Variants in SIPA1L1 observed in about 807,000 individuals in gnomAD.
SIPA1L1 encodes the protein signal induced proliferation associated 1 like 1, also known as signal-induced proliferation-associated 1-like protein 1.
A neutral mutation model predicts 162.7 loss-of-function variants in SIPA1L1; 26 were observed. The ratio of observed to expected loss-of-function variants is 0.16; its 90% CI spans 0.12 to 0.22. The LOEUF is 0.22. SIPA1L1 is among the 10% of genes least tolerant of loss of function. The pLI, the probability that SIPA1L1 is intolerant of heterozygous loss-of-function variation, is 1.00. For synonymous variants in SIPA1L1, 829 were observed against 837.4 expected, an observed-to-expected ratio of 0.99 and a Z score of 0.17; for missense variants, 1,874 against 2,241.0, an observed-to-expected ratio of 0.84 and a Z score of 3.31.
At position 71,593,188 on chromosome 14, in the gene SIPA1L1, GTTATTTAT is replaced by G. The variant is rs60160795; in HGVS notation, c.1498+3852_1498+3859del. Reference sequence around the variant, plus strand: ...TCCTTTGAGTATGTATGTGTTTTGTGTTATTTATTTATTTATTTATTTATTTATTTATT... The same window carrying G: ...TCCTTTGAGTATGTATGTGTTTTGTGTTATTTATTTATTTATTTATTTATT... On this transcript the variant is annotated intron_variant, in intron 5 of 23. Coordinates refer to ENST00000381232, the MANE Select transcript of SIPA1L1 (RefSeq NM_001386936.1). Among the ~76,000 whole-genome samples the G allele has an allele frequency of 2.9e-3, 425 of 146,980 alleles. 3 individuals carry two copies. Among genetic ancestry groups the G allele is most frequent in the African/African-American group, 5.3e-3 (206 of 39,132 alleles).
At chr14:71,621,427 G>T (rs936893757) in intron 6 of SIPA1L1, among the ~76,000 whole-genome samples, 1 of 151,914 alleles carries the variant, frequency 6.6e-6, no homozygotes, top group East Asian at 1.9e-4. Context: ...CTTCCTACCT[G>T]GGCCACCTCA....
chr14:71,693,205 CA>C (rs1566666092), intron 13 of SIPA1L1, among the ~76,000 whole-genome samples: 1 of 152,076 alleles, frequency 6.6e-6, no homozygotes, highest in Non-Finnish European at 1.5e-5. Flanking sequence ...TATTGGCGCT[CA>C]AAAAGTTTTG....
At chr14:71,331,904 G>A (rs1400892040) in intron 2 of SIPA1L1, among the ~76,000 whole-genome samples, 1 of 152,208 alleles carries the variant, frequency 6.6e-6, no homozygotes, top group Admixed American at 6.5e-5. Context: ...TGTACAGGAT[G>A]AATTGAAGGC....
rs761616924 is a variant in SIPA1L1, at chr14:71,477,549, C to T, written c.-464-35194C>T. ...ACAGATGGCGTCTCGCCGTGTTGCC[C>T]GGGCTGGTCTCAAATTCCTGGGCTC... On this transcript the variant is annotated intron_variant, in intron 2 of 23. Transcript: ENST00000381232. Among the ~76,000 whole-genome samples the T allele has an allele frequency of 2.4e-4, 37 of 152,224 alleles. 1 individual carries two copies. Among genetic ancestry groups the T allele is most frequent in the African/African-American group, 8.4e-4 (35 of 41,544 alleles).
chr14:71,723,347 C>T (rs564863753), intron 17 of SIPA1L1, among the ~76,000 whole-genome samples: 5 of 152,264 alleles, frequency 3.3e-5, no homozygotes, highest in South Asian at 2.1e-4. Context: ...GCCAGACTTC[C>T]GTGACAAACG....
intron 17 of SIPA1L1, 55 bp from the exon 18 acceptor site, chr14:71,723,592 T>C (rs2083946282): frequency 6.2e-7 from 1 of 1,605,048 alleles, no homozygotes; most frequent in Admixed American, 1.7e-5. Context: ...ACAGCACTTT[T>C]ATAGCTGACA....
At chr14:71,455,035 G>C (rs776476710) in intron 2 of SIPA1L1, among the ~76,000 whole-genome samples, 5 of 152,202 alleles carry the variant, frequency 3.3e-5, no homozygotes, top group Non-Finnish European at 5.9e-5. Flanking sequence ...GAACCTGCTA[G>C]ATCCTTCATG....
At chr14:71,453,499 A>G (rs1306075004) in intron 2 of SIPA1L1, among the ~76,000 whole-genome samples, 2 of 152,176 alleles carry the variant, frequency 1.3e-5, no homozygotes, top group Non-Finnish European at 2.9e-5. Context: ...TTTGAAAAGA[A>G]TCTCACTCTA....
At chr14:71,392,966 T>A (rs2040884174) in intron 2 of SIPA1L1, among the ~76,000 whole-genome samples, 1 of 152,278 alleles carries the variant, frequency 6.6e-6, no homozygotes, top group Admixed American at 6.5e-5. Context: ...TGAATGAGTA[T>A]AATTCTCACT....
chr14:71,416,639 T>A (rs891062821), intron 2 of SIPA1L1, among the ~76,000 whole-genome samples: 1 of 151,980 alleles, frequency 6.6e-6, no homozygotes, highest in East Asian at 1.9e-4. Context: ...GCCTTCTAAG[T>A]GTATACTTCC....
In SIPA1L1 at chr14:71,636,091, G is replaced by A. The variant is rs77751555; in HGVS notation, c.1818+11855G>A. On this transcript the variant is annotated intron_variant, in intron 7 of 23. Transcript: ENST00000381232. ...ACTGATGAAACTAAAAGGAGAAATA[G>A]GTAAATACACAATTATAGTTGGTGA... Among the ~76,000 whole-genome samples the A allele has an allele frequency of 1.8e-3, 273 of 152,174 alleles. 1 individual carries two copies. Among genetic ancestry groups the A allele is most frequent in the South Asian group, 5.4e-3 (26 of 4,824 alleles).
At chr14:71,359,142 G>T (rs1365202899) in intron 2 of SIPA1L1, among the ~76,000 whole-genome samples, 1 of 152,196 alleles carries the variant, frequency 6.6e-6, no homozygotes, top group Non-Finnish European at 1.5e-5. Flanking sequence ...CCAGTGGGAG[G>T]TAACTGAATC....
intron 7 of SIPA1L1, among the ~76,000 whole-genome samples, chr14:71,634,226 C>G (rs1251647710): frequency 6.6e-6 from 1 of 151,602 alleles, no homozygotes; most frequent in African/African-American, 2.4e-5. Flanking sequence ...CATGGCGAAA[C>G]CCTGTGTCTA....
intron 2 of SIPA1L1, among the ~76,000 whole-genome samples, chr14:71,417,777 G>T (rs185687380): frequency 3.1e-4 from 47 of 152,186 alleles, no homozygotes; most frequent in African/African-American, 1.1e-3. Context: ...GTGCTAGACA[G>T]TTTTATTTTC....
At chr14:71,704,516 A>AAGG (rs2082306934) in intron 15 of SIPA1L1, among the ~76,000 whole-genome samples, 1 of 152,182 alleles carries the variant, frequency 6.6e-6, no homozygotes, top group Non-Finnish European at 1.5e-5. Flanking sequence ...AGTCAGAGTC[A>AAGG]AGGAGTATTT....
chr14:71,715,238 A>G (rs1185640664), intron 17 of SIPA1L1, among the ~76,000 whole-genome samples: 1 of 152,258 alleles, frequency 6.6e-6, no homozygotes, highest in East Asian at 1.9e-4. Context: ...CAGTTCTACC[A>G]TTGGTCAGCT....
chr14:71,705,190 C>A lies in SIPA1L1; in HGVS notation c.3647-32C>A, dbSNP rs551212354. The A allele has an allele frequency of 4.8e-6, 7 of 1,466,990 alleles. No individual in the cohort carries two copies. The South Asian group carries it at 8.0e-5, about 17-fold the overall frequency. 90.9% of individuals were successfully genotyped at this position (1,466,990 alleles called of 1,614,324 possible). A position where few individuals can be genotyped will look rare whatever the true frequency, so the allele number is the denominator to read the frequency against. ...ACCATGTGCTTGTTTCTGCTTAGTG[C>A]CTGCACCATAATGTCCTATGCTGTA... On this transcript the variant is annotated intron_variant, in intron 15 of 23. Coordinates refer to ENST00000381232, the MANE Select transcript of SIPA1L1 (RefSeq NM_001386936.1).
At chr14:71,361,601 T>TC (rs2037821614) in intron 2 of SIPA1L1, among the ~76,000 whole-genome samples, 1 of 152,186 alleles carries the variant, frequency 6.6e-6, no homozygotes, top group Non-Finnish European at 1.5e-5. Context: ...TGGTGGCCTA[T>TC]CAAGGGCCTT....
chr14:71,351,792 G>C (rs1422456645), intron 2 of SIPA1L1, among the ~76,000 whole-genome samples: 1 of 151,976 alleles, frequency 6.6e-6, no homozygotes, highest in Admixed American at 6.6e-5. Context: ...ATTAAATTGG[G>C]CAATGCTGTA....
Sources: gnomAD v4.1 joint callset for allele counts (sites outside exome capture counted in the v4.1 genomes callset) on GRCh38, gnomAD v4.1.1 for gene constraint, MANE v1.5 for transcripts, NCBI Gene and HGNC (gene_info 2026-07-23, HGNC 2026-07-21) for gene names.